Variants in SETBP1 observed in about 807,000 individuals in gnomAD.
SETBP1 encodes the protein SET binding protein 1.
A neutral mutation model predicts 101.0 loss-of-function variants in SETBP1; 9 were observed. That is an observed-to-expected ratio of 0.09 (90% CI 0.05 to 0.16). The LOEUF (loss-of-function observed/expected upper bound fraction) is 0.16. Ranked by LOEUF, SETBP1 falls within the 10% of genes least tolerant of loss-of-function variation. The probability of loss-of-function intolerance (pLI) is 1.00; values close to 1 mark genes in which losing one functional copy is unlikely to be tolerated. For synonymous variants in SETBP1, 818 were observed against 788.5 expected (o/e 1.04, Z -0.63); for missense variants, 1,858 against 2,033.8 (o/e 0.91, Z 1.66).
At chr18:44,832,530 G>A (rs549217804) in intron 2 of SETBP1, among the ~76,000 whole-genome samples, 1 of 152,300 alleles carries the variant, frequency 6.6e-6, no homozygotes, top group African/African-American at 2.4e-5. Flanking sequence ...CAAATCCCAG[G>A]ATGCAAACTA....
At chr18:45,045,265 T>C (rs770756509) in intron 5 of SETBP1, among the ~76,000 whole-genome samples, 3 of 152,072 alleles carry the variant, frequency 2.0e-5, no homozygotes, top group Non-Finnish European at 4.4e-5. Context: ...CTACTAAAAA[T>C]ACAAAAATTA....
intron 4 of SETBP1, among the ~76,000 whole-genome samples, chr18:45,014,170 T>C (rs1362180796): frequency 1.3e-5 from 2 of 151,928 alleles, no homozygotes; most frequent in Non-Finnish European, 2.9e-5. Context: ...CTGAGGGAGG[T>C]AGTAAAACAG....
intron 2 of SETBP1, among the ~76,000 whole-genome samples, chr18:44,835,703 G>T (rs548143120): frequency 6.6e-6 from 1 of 152,168 alleles, no homozygotes; most frequent in Non-Finnish European, 1.5e-5. Flanking sequence ...GCCCCTAAAG[G>T]TCAAGTGGTT....
chr18:45,032,353 G>A (rs2073314422), intron 4 of SETBP1, among the ~76,000 whole-genome samples: 1 of 152,100 alleles, frequency 6.6e-6, no homozygotes, highest in Non-Finnish European at 1.5e-5. Flanking sequence ...TCTCTGTGAA[G>A]ACAGAGATCA....
chr18:45,042,146 CTTTTTTTTT>C (rs556269689), intron 5 of SETBP1, among the ~76,000 whole-genome samples: 11 of 82,700 alleles, frequency 1.3e-4, no homozygotes, highest in African/African-American at 4.7e-4. Flanking sequence ...CTTGAAACTG[CTTTTTTTTT>C]TTTTTTTTTT....
At chr18:44,896,078 T>C (rs1320604670) in intron 3 of SETBP1, among the ~76,000 whole-genome samples, 1 of 152,144 alleles carries the variant, frequency 6.6e-6, no homozygotes, top group Non-Finnish European at 1.5e-5. Flanking sequence ...ATTGCATACC[T>C]GTAACATTTG....
intron 4 of SETBP1, among the ~76,000 whole-genome samples, chr18:45,007,635 C>T (rs1266027010): frequency 1.3e-5 from 2 of 152,140 alleles, no homozygotes; most frequent in South Asian, 2.1e-4. Flanking sequence ...TTCCATTTCC[C>T]AGTTTTCCTA....
chr18:45,036,547 C>T (rs182566912), intron 4 of SETBP1, among the ~76,000 whole-genome samples: 1 of 152,300 alleles, frequency 6.6e-6, no homozygotes, highest in Non-Finnish European at 1.5e-5. Flanking sequence ...GCTACACCTT[C>T]TAGTTTCTTG....
intron 4 of SETBP1, among the ~76,000 whole-genome samples, chr18:45,035,536 T>C (rs1195558923): frequency 6.6e-6 from 1 of 152,192 alleles, no homozygotes; most frequent in East Asian, 1.9e-4. Flanking sequence ...TGAGACTAAT[T>C]TGGATTGTGA....
intron 4 of SETBP1, among the ~76,000 whole-genome samples, chr18:44,996,266 G>T (rs970194372): frequency 6.6e-6 from 1 of 152,200 alleles, no homozygotes; most frequent in Non-Finnish European, 1.5e-5. Context: ...CTTCTCCAAA[G>T]AATGTCTCAG....
intron 2 of SETBP1, among the ~76,000 whole-genome samples, chr18:44,838,757 C>A (rs371909560): frequency 1.3e-5 from 2 of 152,256 alleles, no homozygotes; most frequent in African/African-American, 4.8e-5. Flanking sequence ...AGCAAATCAA[C>A]CCTTTTAATT....
At chr18:44,965,662 A>G (rs1168607782) in intron 4 of SETBP1, among the ~76,000 whole-genome samples, 2 of 152,222 alleles carry the variant, frequency 1.3e-5, no homozygotes, top group Non-Finnish European at 2.9e-5. Context: ...TTAAATCTCC[A>G]TGGACAATGC....
chr18:44,840,081 C>T (rs894933372), intron 2 of SETBP1, among the ~76,000 whole-genome samples: 1 of 152,226 alleles, frequency 6.6e-6, no homozygotes, highest in African/African-American at 2.4e-5. Context: ...GTCGAATTCT[C>T]TCCATGGCTG....
intron 3 of SETBP1, among the ~76,000 whole-genome samples, chr18:44,877,717 C>T (rs565590399): frequency 4.1e-4 from 63 of 152,254 alleles, no homozygotes; most frequent in Admixed American, 3.6e-3. Flanking sequence ...AGTTTCCTCC[C>T]ACAAGTATAC....
intron 4 of SETBP1, among the ~76,000 whole-genome samples, chr18:44,983,853 C>T (rs970740441): frequency 2.0e-5 from 3 of 152,170 alleles, no homozygotes; most frequent in African/African-American, 7.2e-5. Flanking sequence ...TTCAATTTTG[C>T]ATTTGTCAAA....
At chr18:44,836,322 A>G (rs2072494376) in intron 2 of SETBP1, among the ~76,000 whole-genome samples, 1 of 152,198 alleles carries the variant, frequency 6.6e-6, no homozygotes, top group African/African-American at 2.4e-5. Flanking sequence ...CCTTTTCCCT[A>G]GTTAGGTTCT....
chr18:45,059,712 A>G (rs369218645), intron 5 of SETBP1, among the ~76,000 whole-genome samples: 3 of 152,176 alleles, frequency 2.0e-5, no homozygotes. Flanking sequence ...TCTCAGTCAC[A>G]CCAGCCACAT....
At chr18:44,933,428 A>C (rs1020997235) in intron 3 of SETBP1, among the ~76,000 whole-genome samples, 2 of 152,316 alleles carry the variant, frequency 1.3e-5, no homozygotes, top group South Asian at 2.1e-4. Context: ...CGGTCTGTCC[A>C]TTCTCAGATC....
intron 2 of SETBP1, among the ~76,000 whole-genome samples, chr18:44,801,223 A>G (rs2071601230): frequency 6.6e-6 from 1 of 152,162 alleles, no homozygotes; most frequent in African/African-American, 2.4e-5. Flanking sequence ...TGGCACATGT[A>G]TACATATGTA....
Sources: allele counts gnomAD v4.1 joint callset (sites outside exome capture counted in the v4.1 genomes callset), GRCh38; gene constraint gnomAD v4.1.1; transcripts MANE v1.5; gene names NCBI Gene and HGNC (gene_info 2026-07-23, HGNC 2026-07-21).